ARHGEF3: variants seen among roughly 807,000 people sequenced by gnomAD.
ARHGEF3 encodes Rho guanine nucleotide exchange factor 3, also known as 59.8 kDA protein.
Under a neutral mutation model 63.2 loss-of-function variants are expected in ARHGEF3, and 28 were observed. That is an observed-to-expected ratio of 0.44 (90% confidence interval 0.33 to 0.61). The LOEUF (loss-of-function observed/expected upper bound fraction) is 0.61. ARHGEF3 is among the 20% of genes least tolerant of loss of function. The probability of loss-of-function intolerance (pLI) is 0.03; values close to 1 mark genes in which losing one functional copy is unlikely to be tolerated. For missense variants in ARHGEF3, 533 were observed against 659.3 expected, an observed-to-expected ratio of 0.81 and a Z score of 2.10; for synonymous variants, 266 against 254.2, an observed-to-expected ratio of 1.05 and a Z score of -0.44.
At chr3:56,835,827 C>T (rs1160836546) in intron 4 of ARHGEF3, among the ~76,000 whole-genome samples, 3 of 152,100 alleles carry the variant, frequency 2.0e-5, no homozygotes, top group African/African-American at 4.8e-5. Context: ...GCTGAGTCAC[C>T]CATGGTTCAC....
rs577975464 is a variant in ARHGEF3 at position 57,030,961 on chromosome 3, C to A, written c.62+4127G>T. Among the ~76,000 whole-genome samples, 113 of 152,330 alleles carry A rather than the reference C, an allele frequency of 7.4e-4. 1 individual carries two copies. The highest frequency in any genetic ancestry group is 6.8e-3 in the Middle Eastern group (2 of 294). Reference sequence around the variant, plus strand: ...CAAAACTGCATCTCACAAACGGAAGCACGGCCTGTGGGCAGGGATTCCAGG... The same window carrying A: ...CAAAACTGCATCTCACAAACGGAAGAACGGCCTGTGGGCAGGGATTCCAGG... On this transcript the variant is annotated intron_variant, in intron 2 of 12. Transcript: ENST00000338458.
chr3:56,982,880 G>A (rs1701380976), intron 2 of ARHGEF3, among the ~76,000 whole-genome samples: 1 of 151,940 alleles, frequency 6.6e-6, no homozygotes, highest in African/African-American at 2.4e-5. Flanking sequence ...CAGCCCCGCA[G>A]TCCAGGCAAC....
intron 1 of ARHGEF3, among the ~76,000 whole-genome samples, chr3:57,076,367 T>C (rs1706221228): frequency 6.6e-6 from 1 of 152,316 alleles, no homozygotes. Flanking sequence ...ACCTTAGTTA[T>C]GGCAGAGAAC....
intron 3 of ARHGEF3, among the ~76,000 whole-genome samples, chr3:56,906,309 G>A (rs1207407048): frequency 6.6e-6 from 1 of 152,150 alleles, no homozygotes; most frequent in Non-Finnish European, 1.5e-5. Flanking sequence ...CATATGAGAC[G>A]GAGCAGATAG....
At chr3:56,930,336 A>G (rs2042378053) in intron 3 of ARHGEF3, among the ~76,000 whole-genome samples, 1 of 152,228 alleles carries the variant, frequency 6.6e-6, no homozygotes, top group African/African-American at 2.4e-5. Context: ...AACACAACTA[A>G]CAACAGGTGA....
chr3:57,028,178 C>T (rs1277481222), intron 2 of ARHGEF3, among the ~76,000 whole-genome samples: 2 of 150,176 alleles, frequency 1.3e-5, no homozygotes, highest in Admixed American at 6.7e-5. Flanking sequence ...TTGACCCAGC[C>T]AACCCGTTAC....
At chr3:56,856,560 C>G (rs1026834190) in intron 4 of ARHGEF3, among the ~76,000 whole-genome samples, 1 of 151,724 alleles carries the variant, frequency 6.6e-6, no homozygotes, top group African/African-American at 2.4e-5. Flanking sequence ...CCACCACCCA[C>G]CATGTCCCAA....
chr3:56,730,953 T>C (rs1461738024), intron 9 of ARHGEF3, among the ~76,000 whole-genome samples: 1 of 152,224 alleles, frequency 6.6e-6, no homozygotes, highest in Non-Finnish European at 1.5e-5. Flanking sequence ...GTACCTTAAA[T>C]CCTCTGTATC....
intron 4 of ARHGEF3, among the ~76,000 whole-genome samples, chr3:56,825,616 T>A (rs2038684799): frequency 6.6e-6 from 1 of 152,230 alleles, no homozygotes; most frequent in Non-Finnish European, 1.5e-5. Context: ...CGACTAAAGT[T>A]ATTGCTCTTA....
intron 2 of ARHGEF3, among the ~76,000 whole-genome samples, chr3:56,965,120 T>A (rs1700435927): frequency 6.6e-6 from 1 of 152,096 alleles, no homozygotes; most frequent in South Asian, 2.1e-4. Context: ...CCAGGCATGG[T>A]AGCATGAGCC....
intron 1 of ARHGEF3, among the ~76,000 whole-genome samples, chr3:57,042,673 TATATATATA>T (rs1704246682): frequency 1.1e-4 from 4 of 37,664 alleles, no homozygotes; most frequent in African/African-American, 2.1e-4. Flanking sequence ...TATATATATA[TATATATATA>T]TATATATATA....
At chr3:56,908,184 C>T (rs976737105) in intron 3 of ARHGEF3, among the ~76,000 whole-genome samples, 1 of 152,210 alleles carries the variant, frequency 6.6e-6, no homozygotes, top group Non-Finnish European at 1.5e-5. Context: ...TGGGCAGCCA[C>T]AGGCAGACAC....
rs556643219 is a variant in ARHGEF3 at position 56,737,195 on chromosome 3, T to C, written c.1031A>G (p.Asn344Ser). The C allele has an allele frequency of 4.8e-5, 78 of 1,613,668 alleles. No individual in the cohort carries two copies. In the South Asian group the frequency reaches 5.9e-4, roughly 12 times the overall value. The change falls in exon 8 of 10, where the codon AAT becomes AGT. Residue 344 changes from asparagine (N) to serine (S), a missense_variant. By Grantham distance (46) the Asn-to-Ser change is conservative. This residue lies in a region of ARHGEF3 where 151 missense variants were observed against 190.7 expected (regional missense o/e 0.79). Coordinates refer to ENST00000296315, the MANE Select transcript of ARHGEF3 (RefSeq NM_019555.3). ...GGAGTAACTACTTACCACGCCCCGA[T>C]TGTTCTTCAGTTCACCATGACAACA... ...VLCCHGELKNNRGVKLHVFLF... is the reference protein window; with the variant it reads ...VLCCHGELKNSRGVKLHVFLF...
chr3:56,763,710 A>T (rs1461621688), intron 2 of ARHGEF3, among the ~76,000 whole-genome samples: 11 of 152,156 alleles, frequency 7.2e-5, no homozygotes, highest in African/African-American at 2.4e-4. Context: ...TTTCTTTTTA[A>T]AATTTTATTT....
Position 56,801,723 on chromosome 3 carries a change from C to T in ARHGEF3, c.76G>A (p.Gly26Ser). The change falls in exon 1 of 10, where the codon GGT becomes AGT. Residue 26 changes from glycine to serine, a missense_variant. By Grantham distance (56) the Gly-to-Ser change is moderately conservative (BLOSUM62 0). Coordinates refer to ENST00000296315, the MANE Select transcript of ARHGEF3 (RefSeq NM_019555.3). ...NCSLELPPAS[G>S]PAKDAEEPSN... ...CCTACCTCAGCGTCCTTGGCCGGAC[C>T]GCTGGCCGGGGGTAGCTCCAGGCTG... is the stretch of plus-strand genomic sequence containing the variant. 6.4e-7 allele frequency: 1 copy of T among 1,563,592 alleles called. No individual in the cohort carries two copies. The highest frequency in any genetic ancestry group is 1.3e-5 in the African/African-American group (1 of 74,112).
At chr3:56,853,603 G>A (rs2039754193) in intron 4 of ARHGEF3, among the ~76,000 whole-genome samples, 1 of 152,168 alleles carries the variant, frequency 6.6e-6, no homozygotes, top group African/African-American at 2.4e-5. Context: ...CCAAAGTGCT[G>A]GGATTACAAG....
At chr3:56,732,118 A>G (rs2033208825) in intron 9 of ARHGEF3, 120 bp downstream of exon 9, 1 of 1,169,840 alleles carries the variant, frequency 8.5e-7, no homozygotes, top group Non-Finnish European at 1.2e-6. Flanking sequence ...GTGATGAAAT[A>G]GCATACAAAT....
At chr3:56,999,171 GC>G (rs1169650633) in intron 2 of ARHGEF3, among the ~76,000 whole-genome samples, 3 of 152,014 alleles carry the variant, frequency 2.0e-5, no homozygotes, top group Admixed American at 1.3e-4. Flanking sequence ...TGCCTCTCCT[GC>G]CTCAGCCTCC....
At chr3:56,783,300 T>C (rs1381786846) in intron 1 of ARHGEF3, among the ~76,000 whole-genome samples, 2 of 152,190 alleles carry the variant, frequency 1.3e-5, no homozygotes, top group Admixed American at 1.3e-4. Flanking sequence ...AGCAAAATAC[T>C]ATAGCTCTCT....
Sources: allele counts gnomAD v4.1 joint callset (sites outside exome capture counted in the v4.1 genomes callset), GRCh38; gene constraint gnomAD v4.1.1; regional missense constraint gnomAD v4.1.1; transcripts MANE v1.5; gene names NCBI Gene and HGNC (gene_info 2026-07-23, HGNC 2026-07-21).